HMGCLL1: variants seen among roughly 807,000 people sequenced by gnomAD.
HMGCLL1 encodes the protein 3-hydroxymethyl-3-methylglutaryl-CoA lyase, cytoplasmic.
In HMGCLL1, 36 loss-of-function variants were observed where a neutral mutation model predicts 39.1. The ratio of observed to expected loss-of-function variants is 0.92; its 90% CI spans 0.71 to 1.22. The LOEUF is 1.22. Ranked by LOEUF, HMGCLL1 falls within the 50% of genes most tolerant of loss-of-function variation. The pLI, the probability that HMGCLL1 is intolerant of heterozygous loss-of-function variation, is 0.00. For synonymous variants in HMGCLL1, 149 were observed against 144.0 expected (o/e 1.03, Z -0.25); for missense variants, 451 against 416.5 (o/e 1.08, Z -0.72).
upstream of HMGCLL1, among the ~76,000 whole-genome samples, chr6:55,581,537 T>G (rs996400939): frequency 6.6e-6 from 1 of 152,132 alleles, no homozygotes; most frequent in Non-Finnish European, 1.5e-5. Flanking sequence ...CATATGTTTT[T>G]GTACTTAGTA....
At chr6:55,649,813 T>C in the HMGCLL1 span, among the ~76,000 whole-genome samples, 2 of 151,752 alleles carry the variant, frequency 1.3e-5, no homozygotes, top group Middle Eastern at 3.4e-3. Context: ...TATTTTCAGG[T>C]AACCTCTCTT....
intron 1 of HMGCLL1, among the ~76,000 whole-genome samples, chr6:55,578,603 G>T (rs896670172): frequency 3.9e-5 from 6 of 152,124 alleles, no homozygotes; most frequent in African/African-American, 1.4e-4. Context: ...TGAGAATAAG[G>T]GCGGTATCCT....
chr6:55,593,655 CAACTA>C, the HMGCLL1 span, among the ~76,000 whole-genome samples: 2 of 152,126 alleles, frequency 1.3e-5, no homozygotes, highest in Non-Finnish European at 2.9e-5. Flanking sequence ...TAATCAAACA[CAACTA>C]ATTCATATAA....
At chr6:55,634,792 T>G in the HMGCLL1 span, among the ~76,000 whole-genome samples, 1 of 152,146 alleles carries the variant, frequency 6.6e-6, no homozygotes, top group African/African-American at 2.4e-5. Context: ...CTCTAGAAGA[T>G]GTTTTACTTC....
intron 5 of HMGCLL1, among the ~76,000 whole-genome samples, chr6:55,500,852 T>C (rs1252205003): frequency 2.0e-5 from 3 of 151,986 alleles, no homozygotes; most frequent in East Asian, 1.9e-4. Context: ...TGCTAATATA[T>C]AAATACATTG....
chr6:55,652,748 T>C, the HMGCLL1 span, among the ~76,000 whole-genome samples: 1 of 152,096 alleles, frequency 6.6e-6, no homozygotes, highest in Non-Finnish European at 1.5e-5. Flanking sequence ...TTTCTGTAAA[T>C]CTTGTCTACT....
the HMGCLL1 span, among the ~76,000 whole-genome samples, chr6:55,626,744 C>A: frequency 1.3e-5 from 2 of 152,008 alleles, no homozygotes; most frequent in Admixed American, 1.3e-4. Flanking sequence ...ACAATGATTC[C>A]ACTAAAGTGG....
chr6:55,523,325 T>C (rs904417070), intron 3 of HMGCLL1, among the ~76,000 whole-genome samples: 1 of 152,000 alleles, frequency 6.6e-6, no homozygotes, highest in Non-Finnish European at 1.5e-5. Context: ...ACAGTCATGA[T>C]ATTCGGGAAG....
chr6:55,598,328 A>G, the HMGCLL1 span, among the ~76,000 whole-genome samples: 2 of 152,214 alleles, frequency 1.3e-5, no homozygotes, highest in African/African-American at 4.8e-5. Flanking sequence ...AAAAAATTAG[A>G]GAGCAATGTT....
chr6:55,649,945 T>C, the HMGCLL1 span, among the ~76,000 whole-genome samples: 1 of 150,690 alleles, frequency 6.6e-6, no homozygotes, highest in Admixed American at 6.6e-5. Flanking sequence ...TTTTAATTAC[T>C]TCAATCTCTT....
intron 3 of HMGCLL1, among the ~76,000 whole-genome samples, chr6:55,522,779 GA>G (rs1292867223): frequency 6.6e-6 from 1 of 152,016 alleles, no homozygotes; most frequent in Non-Finnish European, 1.5e-5. Flanking sequence ...GCAAACTACA[GA>G]AGAGGAGAAT....
At chr6:55,646,998 C>T in the HMGCLL1 span, among the ~76,000 whole-genome samples, 1 of 151,928 alleles carries the variant, frequency 6.6e-6, no homozygotes, top group Non-Finnish European at 1.5e-5. Context: ...CAGTCTCCAG[C>T]TATTCTTGTA....
chr6:55,614,082 AT>A, the HMGCLL1 span, among the ~76,000 whole-genome samples: 13 of 152,170 alleles, frequency 8.5e-5, no homozygotes, highest in South Asian at 2.5e-3. Context: ...CCTTCATATG[AT>A]TTTTCTATTT....
chr6:55,602,615 C>T, the HMGCLL1 span, among the ~76,000 whole-genome samples: 6 of 151,896 alleles, frequency 4.0e-5, no homozygotes. Flanking sequence ...AGCAGTGGCA[C>T]TTCGATATTT....
chr6:55,606,708 G>A, the HMGCLL1 span, among the ~76,000 whole-genome samples: 1 of 151,902 alleles, frequency 6.6e-6, no homozygotes, highest in African/African-American at 2.4e-5. Context: ...ATATATATTT[G>A]TCCAAATCCC....
At chr6:55,587,467 C>T in the HMGCLL1 span, among the ~76,000 whole-genome samples, 2 of 152,078 alleles carry the variant, frequency 1.3e-5, no homozygotes. Flanking sequence ...TTGTAAAGAT[C>T]ATCGAGGCTA....
chr6:55,520,865 G>C (rs1049106021), intron 3 of HMGCLL1, among the ~76,000 whole-genome samples: 1 of 121,470 alleles, frequency 8.2e-6, no homozygotes, highest in Admixed American at 9.5e-5. Flanking sequence ...GGCAATATCT[G>C]TATATCTCTA....
At chr6:55,550,091 G>A (rs991818060) in intron 1 of HMGCLL1, among the ~76,000 whole-genome samples, 10 of 151,978 alleles carry the variant, frequency 6.6e-5, no homozygotes, top group African/African-American at 2.4e-4. Flanking sequence ...TTCTTGATAT[G>A]TGAACAGTGT....
At chr6:55,605,155 A>G in the HMGCLL1 span, among the ~76,000 whole-genome samples, 2 of 152,288 alleles carry the variant, frequency 1.3e-5, no homozygotes, top group South Asian at 2.1e-4. Flanking sequence ...CACCTTCCCC[A>G]GGGTGGTCTA....
Sources: allele counts gnomAD v4.1 joint callset (sites outside exome capture counted in the v4.1 genomes callset), GRCh38; gene constraint gnomAD v4.1.1; transcripts MANE v1.5; gene names NCBI Gene and HGNC (gene_info 2026-07-23, HGNC 2026-07-21).